Variants in FCF1 observed in about 807,000 individuals in gnomAD.
FCF1 encodes the protein rRNA-processing protein FCF1 homolog.
In FCF1, 17 loss-of-function variants were observed where a neutral mutation model predicts 32.5. That is an observed-to-expected ratio of 0.52 (90% CI 0.36 to 0.78). The LOEUF (loss-of-function observed/expected upper bound fraction) is 0.78. Among genes scored for constraint, FCF1 ranks in the 30% least tolerant of loss-of-function variants. FCF1 has a pLI of 0.00. For synonymous variants in FCF1, 84 were observed against 78.4 expected (o/e 1.07, Z -0.38); for missense variants, 201 against 241.1 (o/e 0.83, Z 1.10).
chr14:74,722,455 A>G, intron 4 of FCF1, among the ~76,000 whole-genome samples: 1 of 152,092 alleles, frequency 6.6e-6, no homozygotes, highest in Non-Finnish European at 1.5e-5. Flanking sequence ...ACCATTTGCT[A>G]TCTATTTAGT....
chr14:74,722,513 A>ATTT lies in FCF1; in HGVS notation c.293-752_293-750dup, dbSNP rs537278819. Among the ~76,000 whole-genome samples, 280 of 151,936 alleles carry ATTT rather than the reference A, an allele frequency of 1.8e-3. 2 individuals carry two copies. The highest frequency in any genetic ancestry group is 3.2e-3 in the Non-Finnish European group (215 of 67,922). Reference sequence around the variant, plus strand: ...CCTCACCTATAAAATAGGGATGATGATTTTTTTTTAAACTATTATATGGCT... The same window carrying ATTT: ...CCTCACCTATAAAATAGGGATGATGATTTTTTTTTTTTAAACTATTATATGGCT... On this transcript the variant is annotated intron_variant, in intron 4 of 7. Coordinates refer to ENST00000341162, the MANE Select transcript of FCF1 (RefSeq NM_015962.5).
At chr14:74,717,708 G>C (rs1459848220) in intron 4 of FCF1, among the ~76,000 whole-genome samples, 2 of 152,168 alleles carry the variant, frequency 1.3e-5, no homozygotes, top group Non-Finnish European at 2.9e-5. Context: ...TGCTTCTCCA[G>C]GAATGCTGTG....
intron 5 of FCF1, among the ~76,000 whole-genome samples, chr14:74,727,129 G>T (rs1343178831): frequency 6.6e-6 from 1 of 152,106 alleles, no homozygotes; most frequent in East Asian, 1.9e-4. Flanking sequence ...TCCAGTAATG[G>T]GATGGCTGGG....
chr14:74,734,145 C>G lies in FCF1; in HGVS notation c.523C>G (p.Pro175Ala). The change falls in exon 7 of 8, where the codon CCT (proline) becomes GCT (alanine). Residue 175 changes from proline (P) to alanine (A), a missense_variant. Coordinates refer to ENST00000341162, the MANE Select transcript of FCF1 (RefSeq NM_015962.5). ...KRRIRKIPGVPIMYISNHRYN... is the reference protein window; with the variant it reads ...KRRIRKIPGVAIMYISNHRYN... ...AAGAATCCGTAAGATTCCTGGAGTT[C>G]CTATCATGTACATTTCTAACCATAG... The G allele has an allele frequency of 6.2e-7, 1 of 1,612,920 alleles. No homozygotes were observed. Among genetic ancestry groups the G allele is most frequent in the Non-Finnish European group, 8.5e-7 (1 of 1,179,082 alleles).
At chr14:74,720,447 C>G (rs1168058884) in intron 4 of FCF1, among the ~76,000 whole-genome samples, 1 of 152,194 alleles carries the variant, frequency 6.6e-6, no homozygotes, top group Non-Finnish European at 1.5e-5. Context: ...AAAATAGAAT[C>G]TTATAATATT....
At chr14:74,727,531 C>T (rs1321275701) in intron 5 of FCF1, among the ~76,000 whole-genome samples, 71 of 151,608 alleles carry the variant, frequency 4.7e-4, no homozygotes, top group African/African-American at 1.5e-3. Flanking sequence ...GAGTAGGTTG[C>T]GAAAATTTTC....
intron 5 of FCF1, among the ~76,000 whole-genome samples, chr14:74,726,258 A>ATGG: frequency 6.6e-6 from 1 of 151,758 alleles, no homozygotes; most frequent in African/African-American, 2.4e-5. Context: ...AGCCCGAAGC[A>ATGG]GGAGGATTCC....
chr14:74,731,352 A>G (rs1350797113), intron 5 of FCF1, among the ~76,000 whole-genome samples: 1 of 152,202 alleles, frequency 6.6e-6, no homozygotes, highest in Non-Finnish European at 1.5e-5. Context: ...AAGTGATTTC[A>G]GGAGTAAAGA....
At chr14:74,732,572 C>T (rs1307057641) in intron 5 of FCF1, among the ~76,000 whole-genome samples, 159 bp from the exon 6 acceptor site, 2 of 152,218 alleles carry the variant, frequency 1.3e-5, no homozygotes, top group Non-Finnish European at 2.9e-5. Flanking sequence ...TGTCAGCCTT[C>T]ATTCCCTGCC....
chr14:74,735,180 A>T lies in FCF1; in HGVS notation c.*250A>T. 1 of 412,362 alleles carries T rather than the reference A, an allele frequency of 2.4e-6. No homozygotes were observed. The highest frequency in any genetic ancestry group is 4.3e-6 in the Non-Finnish European group (1 of 231,544). 25.5% of individuals were successfully genotyped at this position (412,362 alleles called of 1,614,324 possible). A position where few individuals can be genotyped will look rare whatever the true frequency, so the allele number is the denominator to read the frequency against. On this transcript the variant is annotated 3_prime_UTR_variant, in exon 8 of 8. Coordinates refer to ENST00000341162, the MANE Select transcript of FCF1 (RefSeq NM_015962.5). Reference sequence around the variant, plus strand: ...GGGGGGAATCTGTGCAGGGGGAAGCATATTACAGAAGCAAGAAAGACAGTT... The same window carrying T: ...GGGGGGAATCTGTGCAGGGGGAAGCTTATTACAGAAGCAAGAAAGACAGTT...
chr14:74,733,335 T>TCTCTGCTGA, intron 6 of FCF1, among the ~76,000 whole-genome samples: 1 of 151,934 alleles, frequency 6.6e-6, no homozygotes, highest in Admixed American at 6.6e-5. Flanking sequence ...ACTGAGTGCT[T>TCTCTGCTGA]TTATAAGGGC....
chr14:74,727,997 G>C (rs564972165), intron 5 of FCF1, among the ~76,000 whole-genome samples: 1 of 152,238 alleles, frequency 6.6e-6, no homozygotes, highest in South Asian at 2.1e-4. Context: ...TGCTGTTTTG[G>C]TTACTGTAGC....
chr14:74,723,201 G>C, intron 4 of FCF1, 71 bp from the exon 5 acceptor site: 1 of 1,124,306 alleles, frequency 8.9e-7, no homozygotes, highest in Non-Finnish European at 1.4e-6. Flanking sequence ...TTAAAACTCT[G>C]AGCAGGGATA....
chr14:74,734,948 T>G lies in FCF1; in HGVS notation c.*18T>G. The G allele has an allele frequency of 1.2e-6, 2 of 1,608,448 alleles. No homozygotes were observed. Among genetic ancestry groups the G allele is most frequent in the South Asian group, 1.1e-5 (1 of 90,890 alleles). On this transcript the variant is annotated 3_prime_UTR_variant, in exon 8 of 8. Transcript: ENST00000341162. The stretch of plus-strand genomic sequence containing the variant: ...GATTCTAATTCTTACAAGACACAGT[T>G]CCTCTGCCTTTCTTCGACCAACTTT...
intron 5 of FCF1, among the ~76,000 whole-genome samples, chr14:74,731,742 C>T (rs1010204521): frequency 2.0e-5 from 3 of 152,156 alleles, no homozygotes; most frequent in African/African-American, 7.2e-5. Context: ...TCATTTTTTT[C>T]TAAATATTCC....
intron 3 of FCF1, 91 bp from the exon 4 acceptor site, chr14:74,715,860 A>G (rs1304163275): frequency 6.2e-7 from 1 of 1,610,866 alleles, no homozygotes; most frequent in Non-Finnish European, 8.5e-7. Flanking sequence ...AGTTTACAGC[A>G]AACAGTCCCA....
chr14:74,721,297 T>C (rs2090499651), intron 4 of FCF1, among the ~76,000 whole-genome samples: 1 of 152,076 alleles, frequency 6.6e-6, no homozygotes, highest in Admixed American at 6.5e-5. Flanking sequence ...CCTGCCTGCC[T>C]TGGCCTCCCA....
At position 74,735,082 on chromosome 14, in the gene FCF1, A is replaced by T; in HGVS notation, c.*152A>T. 3 of 625,210 alleles carry T rather than the reference A, an allele frequency of 4.8e-6. No homozygotes were observed. Among genetic ancestry groups the T allele is most frequent in the South Asian group, 1.8e-5 (1 of 55,168 alleles). 38.7% of individuals were successfully genotyped at this position (625,210 alleles called of 1,614,324 possible). ...TATTTAGGTGCACCAGCCCAGTCAG[A>T]TTAACATCCAAAGGACTGAACCCTG... is the stretch of plus-strand genomic sequence containing the variant. On this transcript the variant is annotated 3_prime_UTR_variant, in exon 8 of 8. Coordinates refer to ENST00000341162, the MANE Select transcript of FCF1 (RefSeq NM_015962.5).
chr14:74,725,439 C>A (rs182594000), intron 5 of FCF1, among the ~76,000 whole-genome samples: 25 of 140,060 alleles, frequency 1.8e-4, no homozygotes, highest in African/African-American at 4.6e-4. Context: ...GAGGTCATGC[C>A]ACTGTACTCC....
Sources: allele counts gnomAD v4.1 joint callset (sites outside exome capture counted in the v4.1 genomes callset), GRCh38; gene constraint gnomAD v4.1.1; transcripts MANE v1.5; gene names NCBI Gene and HGNC (gene_info 2026-07-23, HGNC 2026-07-21).